The following SLC33A2 variants were observed in gnomAD, a reference collection of about 807,000 sequenced individuals.
SLC33A2 encodes the protein solute carrier family 33 member 2.
At chr8:144,509,597 C>G in the SLC33A2 span, 14 of 1,543,756 alleles carry the variant, frequency 9.1e-6, no homozygotes, top group South Asian at 1.5e-4. Context: ...CCGGGCTGCC[C>G]CCTCCTGGAG....
the SLC33A2 span, chr8:144,510,103 G>C: frequency 1.4e-6 from 2 of 1,446,036 alleles, no homozygotes; most frequent in East Asian, 2.5e-5. Flanking sequence ...CCCATTACAG[G>C]GCCACGCTCT....
At chr8:144,510,265 A>T in the SLC33A2 span, 1 of 1,547,262 alleles carries the variant, frequency 6.5e-7, no homozygotes, top group South Asian at 1.2e-5. Flanking sequence ...TGGAACACTG[A>T]GGAGAGCAGG....
the SLC33A2 span, chr8:144,509,321 G>A: frequency 4.1e-6 from 6 of 1,446,096 alleles, no homozygotes; most frequent in African/African-American, 1.5e-5. Flanking sequence ...CCTCGCAGCC[G>A]GCCTGAGCCG....
chr8:144,509,624 G>GC, the SLC33A2 span: 1 of 1,561,648 alleles, frequency 6.4e-7, no homozygotes, highest in Non-Finnish European at 8.6e-7. Context: ...AGGCCGGGCT[G>GC]CCCGCCGCTG....
chr8:144,510,086 C>T, the SLC33A2 span: 2 of 1,507,640 alleles, frequency 1.3e-6, no homozygotes, highest in South Asian at 1.2e-5. Flanking sequence ...TCCCCAGGGG[C>T]TTGCAACCCA....
chr8:144,509,206 G>A, the SLC33A2 span: 3 of 967,052 alleles, frequency 3.1e-6, no homozygotes, highest in African/African-American at 5.2e-5. Flanking sequence ...GTACGACGCT[G>A]ACTCTGCCCG....
At chr8:144,510,432 T>C in the SLC33A2 span, 7 of 1,612,796 alleles carry the variant, frequency 4.3e-6, no homozygotes, top group Admixed American at 3.3e-5. Context: ...GAGTTGGGAC[T>C]GTGGAATGGT....
chr8:144,510,654 G>C, the SLC33A2 span: 1 of 1,560,352 alleles, frequency 6.4e-7, no homozygotes, highest in Non-Finnish European at 8.7e-7. Context: ...GGCCTAGCCT[G>C]TCAGACTGCC....
chr8:144,509,931 C>G, the SLC33A2 span: 1 of 1,584,486 alleles, frequency 6.3e-7, no homozygotes, highest in Admixed American at 1.7e-5. Flanking sequence ...CGAGCAGCGT[C>G]CCCACACCGC....
the SLC33A2 span, chr8:144,511,110 C>T: frequency 1.4e-5 from 22 of 1,610,312 alleles, no homozygotes; most frequent in Non-Finnish European, 1.9e-5. Flanking sequence ...TCCTGCTCAT[C>T]CTCTCTGCCT....
chr8:144,511,136 T>G, the SLC33A2 span: 1 of 1,610,690 alleles, frequency 6.2e-7, no homozygotes, highest in East Asian at 2.2e-5. Flanking sequence ...GTTCTGTACC[T>G]GGACCTAGCA....
chr8:144,510,341 G>GC, the SLC33A2 span: 598 of 1,603,938 alleles, frequency 3.7e-4, no homozygotes, highest in East Asian at 6.3e-4. Flanking sequence ...CCGTGCTCAT[G>GC]CCCCCCCCAC....
At chr8:144,510,012 C>G in the SLC33A2 span, 2 of 1,593,892 alleles carry the variant, frequency 1.3e-6, no homozygotes, top group Non-Finnish European at 1.7e-6. Context: ...CACCTACAAG[C>G]TGGGTGAGTG....
chr8:144,510,906 G>C, the SLC33A2 span: 13 of 1,604,196 alleles, frequency 8.1e-6, no homozygotes, highest in Non-Finnish European at 1.1e-5. Flanking sequence ...CCCTGCAGGT[G>C]AGTAGATGTA....
chr8:144,510,151 C>A, the SLC33A2 span: 1 of 1,296,206 alleles, frequency 7.7e-7, no homozygotes, highest in South Asian at 1.4e-5. Flanking sequence ...CCCTGACATC[C>A]GGGGCTCTGC....
the SLC33A2 span, chr8:144,510,689 G>A: frequency 1.9e-6 from 3 of 1,565,526 alleles, no homozygotes; most frequent in Middle Eastern, 1.7e-4. Context: ...GGACACCCTG[G>A]GGGCCAGCAT....
At chr8:144,509,891 C>T in the SLC33A2 span, 5 of 1,548,622 alleles carry the variant, frequency 3.2e-6, no homozygotes, top group South Asian at 3.5e-5. Context: ...CTGCACCAGC[C>T]CTGCGGCGGC....
At chr8:144,510,616 G>GA in the SLC33A2 span, 2 of 1,578,446 alleles carry the variant, frequency 1.3e-6, no homozygotes, top group South Asian at 2.3e-5. Flanking sequence ...TGCCTCTGTT[G>GA]AGGTCGGTGC....
chr8:144,510,094 C>A, the SLC33A2 span: 1 of 1,476,630 alleles, frequency 6.8e-7, no homozygotes, highest in Non-Finnish European at 9.1e-7. Context: ...GGCTTGCAAC[C>A]CATTACAGGG....
Sources: allele counts gnomAD v4.1 joint callset, GRCh38; gene constraint gnomAD v4.1.1; transcripts MANE v1.5; gene names NCBI Gene and HGNC (gene_info 2026-07-23, HGNC 2026-07-21).